Variants in VPS16 observed in about 807,000 individuals in gnomAD.
VPS16 encodes the protein VPS16 core subunit of CORVET and HOPS complexes.
Under a neutral mutation model 116.0 loss-of-function variants are expected in VPS16, and 82 were observed. The observed-to-expected ratio is 0.71, with a 90% CI of 0.59 to 0.85. The LOEUF (loss-of-function observed/expected upper bound fraction) is 0.85. Ranked by LOEUF, VPS16 falls within the 40% of genes least tolerant of loss-of-function variation. The pLI, the probability that VPS16 is intolerant of heterozygous loss-of-function variation, is 0.00. For synonymous variants in VPS16, 406 were observed against 420.7 expected (o/e 0.96, Z 0.43); for missense variants, 928 against 1,090.6 (o/e 0.85, Z 2.10).
At chr20:2,842,418 C>T (rs145649476) in intron 1 of VPS16, among the ~76,000 whole-genome samples, 1,904 of 152,020 alleles carry the variant, frequency 0.013, 41 homozygotes, top group African/African-American at 0.043. Flanking sequence ...GAGTTTGAGA[C>T]CAGCCTAACC....
chr20:2,845,007 GGTGTGTGTGT>G (rs375923174), intron 1 of VPS16, among the ~76,000 whole-genome samples: 25 of 144,112 alleles, frequency 1.7e-4, no homozygotes, highest in African/African-American at 2.9e-4. Context: ...ATTTGCAAGG[GGTGTGTGTGT>G]GTGTGTGTGT....
In VPS16 at chr20:2,861,902, G is replaced by A; in HGVS notation, c.994+3G>A. 1 of 1,613,216 alleles carries A rather than the reference G, an allele frequency of 6.2e-7. No homozygotes were observed. On this transcript the variant is annotated splice_donor_region_variant and intron_variant, in intron 10 of 23. Transcript: ENST00000380445. ...CGAGTTCCTGCATGAGGTTCCAGGT[G>A]AGGCCTTCACAAGGGCACCACATAA...
At chr20:2,845,223 G>A (rs542020902) in intron 1 of VPS16, among the ~76,000 whole-genome samples, 3 of 152,162 alleles carry the variant, frequency 2.0e-5, no homozygotes, top group African/African-American at 7.2e-5. Context: ...TAGAAGTAAA[G>A]TGGAAGAAAT....
rs375302670 is a variant in VPS16 at position 2,864,197 on chromosome 20, C to T, written c.1630C>T (p.Arg544Cys). The change falls in exon 17 of 24, where the codon CGC (arginine) becomes TGC (cysteine). Residue 544 changes from arginine to cysteine, a missense_variant. By Grantham distance (180) the Arg-to-Cys change is radical. Coordinates refer to ENST00000380445, the MANE Select transcript of VPS16 (RefSeq NM_022575.4). This position sits in a 1 kb window ranked among gnomAD's most constrained non-coding sequence, Gnocchi z 5.2. ...LAIKLLEYEP[R>C]SGEQVPLLLK... ...CTCACAGCTGCTGGAGTATGAGCCA[C>T]GCTCAGGGGAGCAGGTACCCCTTCT... 2.5e-6 allele frequency: 4 copies of T among 1,614,198 alleles called. No individual in the cohort carries two copies. Among genetic ancestry groups the T allele is most frequent in the Non-Finnish European group, 2.5e-6 (3 of 1,180,028 alleles).
At position 2,859,780 on chromosome 20, in the gene VPS16, G is replaced by A; in HGVS notation, c.115G>A (p.Ala39Thr). ...LKEELRDCLV[A>T]AAPYGGPIAL... ...GGAGGAACTCAGGGATTGCCTGGTG[G>A]CTGCTGCACCCTATGGGGGCCCCAT... The change falls in exon 2 of 24, where the codon GCT becomes ACT. Residue 39 changes from alanine (A) to threonine (T), a missense_variant. Physicochemically the swap from Ala to Thr is moderately conservative, Grantham distance 58. Coordinates refer to ENST00000380445, the MANE Select transcript of VPS16 (RefSeq NM_022575.4). 1 of 1,612,968 alleles carries A rather than the reference G, an allele frequency of 6.2e-7. No individual in the cohort carries two copies. Among genetic ancestry groups the A allele is most frequent in the Non-Finnish European group, 8.5e-7 (1 of 1,179,584 alleles).
intron 1 of VPS16, among the ~76,000 whole-genome samples, chr20:2,842,909 T>TATCTATCGATAGATAGATAGA (rs1428286703): frequency 4.2e-5 from 1 of 23,830 alleles, no homozygotes; most frequent in Non-Finnish European, 1.4e-4. Flanking sequence ...TAGATATATG[T>TATCTATCGATAGATAGATAGA]TATGGATTGC....
At chr20:2,859,155 A>C (rs2089201832) in intron 1 of VPS16, among the ~76,000 whole-genome samples, 1 of 152,210 alleles carries the variant, frequency 6.6e-6, no homozygotes, top group East Asian at 1.9e-4. Flanking sequence ...GAAATTAGCC[A>C]GGTGTGGTAG....
In VPS16 at chr20:2,865,551, A is replaced by G; in HGVS notation, c.2271+56A>G. ...CCAGTGAGGGTAGTCTTCGGGAGAG[A>G]GGGCTAGGCAGGGAGACAGATAGGA... On this transcript the variant is annotated intron_variant, in intron 22 of 23. Transcript: ENST00000380445. The surrounding 1 kb of genome is among the most constrained non-coding windows in gnomAD (Gnocchi z 5.2). 1 of 1,504,066 alleles carries G rather than the reference A, an allele frequency of 6.6e-7. No homozygotes were observed. The highest frequency in any genetic ancestry group is 9.1e-7 in the Non-Finnish European group (1 of 1,099,320). 93.2% of individuals were successfully genotyped at this position (1,504,066 alleles called of 1,614,324 possible). A position where few individuals can be genotyped will look rare whatever the true frequency, so the allele number is the denominator to read the frequency against.
At chr20:2,855,110 T>G (rs1854474) in intron 1 of VPS16, among the ~76,000 whole-genome samples, 76,917 of 150,840 alleles carry the variant, frequency 0.51, 22,319 homozygotes, top group African/African-American at 0.78. Flanking sequence ...ACAGGCGCAC[T>G]CCACCATGCC....
rs940920087 is a variant in VPS16, at chr20:2,864,671, G to A, written c.1926+17G>A. 15 of 1,598,108 alleles carry A rather than the reference G, an allele frequency of 9.4e-6. No individual in the cohort carries two copies. The highest frequency in any genetic ancestry group is 8.9e-5 in the East Asian group (4 of 44,858). ...GCAGAAGAGGTCTGAGATCCATGGG[G>A]CGTGTGGGGCGTGTGGGGCATGTGG... On this transcript the variant is annotated intron_variant, in intron 19 of 23. Transcript: ENST00000380445. This position sits in a 1 kb window ranked among gnomAD's most constrained non-coding sequence, Gnocchi z 5.2.
Position 2,860,131 on chromosome 20 carries a change from A to C in VPS16, c.220A>C (p.Met74Leu), listed in dbSNP as rs777737966. Reference protein sequence around the residue: ...PVLDIYSASGMPLASLLWKSG... With the variant: ...PVLDIYSASGLPLASLLWKSG... Reference sequence around the variant, plus strand: ...GCTCGATATATACTCTGCTTCCGGCATGCCTCTGGCCAGCCTGCTGGTGAG... The same window carrying C: ...GCTCGATATATACTCTGCTTCCGGCCTGCCTCTGGCCAGCCTGCTGGTGAG... Residue 74 changes from methionine to leucine, a missense_variant, in exon 3 of 24, where the codon ATG becomes CTG. Met to Leu is a conservative substitution (Grantham distance 15). Coordinates refer to ENST00000380445, the MANE Select transcript of VPS16 (RefSeq NM_022575.4). The surrounding 1 kb of genome is among the most constrained non-coding windows in gnomAD (Gnocchi z 6.1). 1.2e-6 allele frequency: 2 copies of C among 1,614,066 alleles called. No individual in the cohort carries two copies. Among genetic ancestry groups the C allele is most frequent in the Middle Eastern group, 3.3e-4 (2 of 6,062 alleles).
In VPS16 at chr20:2,863,639, G is replaced by A. The variant is rs1243613894; in HGVS notation, c.1476+241G>A. The stretch of plus-strand genomic sequence containing the variant: ...TAGCCGGGCACGGTGGCGCATGCCT[G>A]TAATCCCAGCTACCCGGGAGGCTGA... On this transcript the variant is annotated intron_variant, in intron 15 of 23. Transcript: ENST00000380445. The surrounding 1 kb of genome is among the most constrained non-coding windows in gnomAD (Gnocchi z 4.4). 6.6e-6 allele frequency among the ~76,000 whole-genome samples: 1 copy of A among 152,174 alleles called. No individual in the cohort carries two copies. The highest frequency in any genetic ancestry group is 1.5e-5 in the Non-Finnish European group (1 of 68,044).
chr20:2,849,112 A>G (rs1156513728), intron 1 of VPS16, among the ~76,000 whole-genome samples: 1 of 152,112 alleles, frequency 6.6e-6, no homozygotes, highest in Non-Finnish European at 1.5e-5. Flanking sequence ...CAAGATTGTC[A>G]GTTTCATGTG....
At chr20:2,850,295 G>C (rs1367807131) in intron 1 of VPS16, among the ~76,000 whole-genome samples, 5 of 152,126 alleles carry the variant, frequency 3.3e-5, no homozygotes, top group Non-Finnish European at 7.4e-5. Flanking sequence ...CTGCACTCCA[G>C]CCTGGGCAAC....
rs761091668 is a variant in VPS16, at chr20:2,860,859, C to T, written c.626C>T (p.Ala209Val). Residue 209 changes from alanine (A) to valine (V), a missense_variant, in exon 6 of 24, where the codon GCA becomes GTA. Transcript: ENST00000380445. The surrounding 1 kb of genome is among the most constrained non-coding windows in gnomAD (Gnocchi z 6.1). ...LYLLDHAACSAVTPPGLAPGV... is the reference protein window; with the variant it reads ...LYLLDHAACSVVTPPGLAPGV... ...CTCTTGGACCATGCAGCCTGCTCCG[C>T]AGTGGTAAGGGCCCTGAGTGGGAAT... is the stretch of plus-strand genomic sequence containing the variant. 19 of 1,614,116 alleles carry T rather than the reference C, an allele frequency of 1.2e-5. No individual in the cohort carries two copies. Among genetic ancestry groups the T allele is most frequent in the East Asian group, 6.7e-5 (3 of 44,884 alleles).
Position 2,865,136 on chromosome 20 carries a change from C to T in VPS16, c.2005-12C>T. 6.2e-7 allele frequency: 1 copy of T among 1,614,158 alleles called. No individual in the cohort carries two copies. Among genetic ancestry groups the T allele is most frequent in the Non-Finnish European group, 8.5e-7 (1 of 1,179,994 alleles). On this transcript the variant is annotated splice_polypyrimidine_tract_variant and intron_variant, in intron 20 of 23. Transcript: ENST00000380445. This position sits in a 1 kb window ranked among gnomAD's most constrained non-coding sequence, Gnocchi z 5.2. Reference sequence around the variant, plus strand: ...CCTCATCCCCATCATGCCTCATTATCCGGGTCCCCAGGCTACAGAGGATCA... The same window carrying T: ...CCTCATCCCCATCATGCCTCATTATTCGGGTCCCCAGGCTACAGAGGATCA...
rs767329493 is a variant in VPS16, at chr20:2,861,026, C to T, written c.687C>T (p.Phe229=). The T allele has an allele frequency of 5.0e-6, 8 of 1,614,228 alleles. No individual in the cohort carries two copies. Among genetic ancestry groups the T allele is most frequent in the Non-Finnish European group, 6.8e-6 (8 of 1,180,042 alleles). The change falls in exon 7 of 24, where the codon TTC becomes TTT. Residue 229 remains phenylalanine, a synonymous_variant. Coordinates refer to ENST00000380445, the MANE Select transcript of VPS16 (RefSeq NM_022575.4). ...VSSFLQMAVS[F]TYRHLALFTD... Reference sequence around the variant, plus strand: ...GCTTCCTACAGATGGCTGTCTCCTTCACCTACCGACACCTGGCACTCTTCA... The same window carrying T: ...GCTTCCTACAGATGGCTGTCTCCTTTACCTACCGACACCTGGCACTCTTCA...
At chr20:2,856,794 A>G (rs1039632441) in intron 1 of VPS16, among the ~76,000 whole-genome samples, 2 of 152,194 alleles carry the variant, frequency 1.3e-5, no homozygotes, top group Non-Finnish European at 2.9e-5. Context: ...CCTAGACGCC[A>G]TCCTCTTCCA....
chr20:2,860,904 A>G lies in VPS16; in HGVS notation c.630+41A>G. On this transcript the variant is annotated intron_variant, in intron 6 of 23. Coordinates refer to ENST00000380445, the MANE Select transcript of VPS16 (RefSeq NM_022575.4). The surrounding 1 kb of genome is among the most constrained non-coding windows in gnomAD (Gnocchi z 6.1). ...GGGAATGAAGTGGACGGGCTGGGTT[A>G]GGCAATAGGGAGGTTCTGAAAAGTC... The G allele has an allele frequency of 6.2e-7, 1 of 1,614,080 alleles. No individual in the cohort carries two copies. Among genetic ancestry groups the G allele is most frequent in the East Asian group, 2.2e-5 (1 of 44,882 alleles).
Sources: gnomAD v4.1 joint callset for allele counts (sites outside exome capture counted in the v4.1 genomes callset) on GRCh38, gnomAD v4.1.1 for gene constraint, Gnocchi (gnomAD v3.1) non-coding constraint, MANE v1.5 for transcripts, NCBI Gene and HGNC (gene_info 2026-07-23, HGNC 2026-07-21) for gene names.